The following LDLRAD4 variants were observed in gnomAD, a reference collection of about 807,000 sequenced individuals.
The protein encoded by LDLRAD4 is low density lipoprotein receptor class A domain containing 4.
Under a neutral mutation model 17.0 loss-of-function variants are expected in LDLRAD4, and 5 were observed. That is an observed-to-expected ratio of 0.29 (90% CI 0.15 to 0.62). LDLRAD4 has a LOEUF of 0.62. Ranked by LOEUF, LDLRAD4 falls within the 20% of genes least tolerant of loss-of-function variation. The pLI is 0.84. For missense variants in LDLRAD4, 340 were observed against 424.7 expected (o/e 0.80, Z 1.75); for synonymous variants, 168 against 171.8 (o/e 0.98, Z 0.17).
rs1054235349 is a variant in LDLRAD4 at position 13,340,833 on chromosome 18, TG to T, written c.-382-46507del. 2.7e-4 allele frequency among the ~76,000 whole-genome samples: 41 copies of T among 152,296 alleles called. 1 individual carries two copies. The highest frequency in any genetic ancestry group is 8.7e-4 in the African/African-American group (36 of 41,580). On this transcript the variant is annotated intron_variant, in intron 1 of 5. Coordinates refer to ENST00000359446, the Ensembl canonical transcript of LDLRAD4. ...CCAATGTCATAAAGCTTTTCCCCTT[TG>T]TTTTTTCCTAAGAGTTTTATAATTT...
At chr18:13,282,347 A>G (rs1405727389) in intron 1 of LDLRAD4, among the ~76,000 whole-genome samples, 2 of 152,194 alleles carry the variant, frequency 1.3e-5, no homozygotes, top group Non-Finnish European at 2.9e-5. Flanking sequence ...CCAAAGTCTC[A>G]TTTTAGGTAA....
intron 2 of LDLRAD4, among the ~76,000 whole-genome samples, chr18:13,411,180 A>G (rs1405544189): frequency 6.6e-6 from 1 of 151,112 alleles, no homozygotes; most frequent in Admixed American, 6.6e-5. Flanking sequence ...TGAGTCTGGG[A>G]GGTGAAGTTT....
At chr18:13,305,422 A>G (rs1438745406) in intron 1 of LDLRAD4, among the ~76,000 whole-genome samples, 1 of 152,328 alleles carries the variant, frequency 6.6e-6, no homozygotes, top group East Asian at 1.9e-4. Context: ...CACTTAAGAC[A>G]CTATGTGATC....
exon 6 of LDLRAD4, chr18:13,652,369 C>T (rs1241306624): frequency 1.3e-5 from 2 of 152,166 alleles, no homozygotes; most frequent in Admixed American, 6.5e-5. Flanking sequence ...AAAATATGTA[C>T]AATACTATTC....
chr18:13,263,395 G>T (rs1435241865), intron 1 of LDLRAD4, among the ~76,000 whole-genome samples: 1 of 152,204 alleles, frequency 6.6e-6, no homozygotes, highest in African/African-American at 2.4e-5. Context: ...TGAGTCCTGT[G>T]TGCCAGTCTT....
At chr18:13,495,287 T>A (rs2093444556) in intron 3 of LDLRAD4, among the ~76,000 whole-genome samples, 1 of 152,190 alleles carries the variant, frequency 6.6e-6, no homozygotes, top group East Asian at 1.9e-4. Context: ...GCGAGGCGAA[T>A]ACGGTGCGGG....
intron 3 of LDLRAD4, among the ~76,000 whole-genome samples, chr18:13,602,150 GA>G (rs2148641460): frequency 6.6e-6 from 1 of 152,270 alleles, no homozygotes; most frequent in East Asian, 1.9e-4. Flanking sequence ...AGAAACTGGG[GA>G]CTCCAAAAGG....
intron 1 of LDLRAD4, among the ~76,000 whole-genome samples, chr18:13,309,518 G>A (rs1022181590): frequency 6.6e-6 from 1 of 152,214 alleles, no homozygotes; most frequent in South Asian, 2.1e-4. Context: ...GGTATGTGAG[G>A]AGGGGAGCCC....
At chr18:13,263,137 G>A (rs2044002355) in intron 1 of LDLRAD4, among the ~76,000 whole-genome samples, 1 of 145,760 alleles carries the variant, frequency 6.9e-6, no homozygotes, top group Non-Finnish European at 1.5e-5. Context: ...TGTGCGTGGG[G>A]GCTGAGTCCC....
intron 4 of LDLRAD4, among the ~76,000 whole-genome samples, chr18:13,626,579 T>A (rs1457421780): frequency 6.6e-6 from 1 of 152,218 alleles, no homozygotes; most frequent in Non-Finnish European, 1.5e-5. Context: ...TTTTGACCTA[T>A]AGAAACAGCA....
chr18:13,588,278 C>T (rs569485372), intron 3 of LDLRAD4, among the ~76,000 whole-genome samples: 2 of 152,320 alleles, frequency 1.3e-5, no homozygotes, highest in South Asian at 4.1e-4. Context: ...GAGGGGCTTT[C>T]TTCTCCTTCT....
At chr18:13,460,474 G>T (rs992352198) in intron 3 of LDLRAD4, among the ~76,000 whole-genome samples, 1 of 152,240 alleles carries the variant, frequency 6.6e-6, no homozygotes, top group African/African-American at 2.4e-5. Flanking sequence ...TTACAGGCAT[G>T]AGCCATGCAC....
At chr18:13,337,257 C>T (rs1181642755) in intron 1 of LDLRAD4, among the ~76,000 whole-genome samples, 1 of 152,210 alleles carries the variant, frequency 6.6e-6, no homozygotes, top group Non-Finnish European at 1.5e-5. Context: ...ACAGCCGTGT[C>T]TTTCAGGGTG....
At chr18:13,511,200 G>T (rs1205642458) in intron 3 of LDLRAD4, among the ~76,000 whole-genome samples, 1 of 152,144 alleles carries the variant, frequency 6.6e-6, no homozygotes, top group Non-Finnish European at 1.5e-5. Context: ...CTGAGCTTTA[G>T]ATCCTGTTTC....
rs1372363785 is a variant in LDLRAD4 at position 13,622,123 on chromosome 18, C to T, written c.336+852C>T. ...GAGCCGGTCCTTACGGAGCATCCCTCTTCAGGAACAGGGCTGTGCAGTTCC... is the reference window on the plus strand; with the variant it reads ...GAGCCGGTCCTTACGGAGCATCCCTTTTCAGGAACAGGGCTGTGCAGTTCC... On this transcript the variant is annotated intron_variant, in intron 4 of 5. Transcript: ENST00000359446. This position sits in a 1 kb window ranked among gnomAD's most constrained non-coding sequence, Gnocchi z 5.3. Among the ~76,000 whole-genome samples, 2 of 152,202 alleles carry T rather than the reference C, an allele frequency of 1.3e-5. No individual in the cohort carries two copies. The highest frequency in any genetic ancestry group is 6.5e-5 in the Admixed American group (1 of 15,286).
intron 3 of LDLRAD4, among the ~76,000 whole-genome samples, chr18:13,551,727 C>A (rs188397223): frequency 1.1e-3 from 174 of 152,214 alleles, no homozygotes; most frequent in African/African-American, 4.0e-3. Flanking sequence ...GCTGAGAAGA[C>A]CCTGACCTGC....
intron 2 of LDLRAD4, among the ~76,000 whole-genome samples, chr18:13,406,512 G>A (rs905062580): frequency 5.3e-5 from 8 of 152,186 alleles, no homozygotes; most frequent in Non-Finnish European, 1.0e-4. Flanking sequence ...TCTCTGCCCC[G>A]TCGATGCCGT....
At chr18:13,465,580 A>G (rs1403800422) in intron 3 of LDLRAD4, among the ~76,000 whole-genome samples, 1 of 152,158 alleles carries the variant, frequency 6.6e-6, no homozygotes, top group African/African-American at 2.4e-5. Flanking sequence ...CCTCATTCCA[A>G]AGGGCAGCCT....
intron 3 of LDLRAD4, among the ~76,000 whole-genome samples, chr18:13,544,524 C>G (rs2094331872): frequency 6.6e-6 from 1 of 152,256 alleles, no homozygotes; most frequent in African/African-American, 2.4e-5. Flanking sequence ...CGGCCCAGGA[C>G]TGGCTCACCT....
Sources: allele counts gnomAD v4.1 joint callset (sites outside exome capture counted in the v4.1 genomes callset), GRCh38; gene constraint gnomAD v4.1.1; non-coding constraint Gnocchi (gnomAD v3.1); transcripts MANE v1.5; gene names NCBI Gene and HGNC (gene_info 2026-07-23, HGNC 2026-07-21).